IQCM: variants seen among roughly 807,000 people sequenced by gnomAD.
IQCM encodes the protein IQ domain-containing protein M.
IQCM carries 45 observed loss-of-function variants against 57.6 expected under a neutral mutation model. The ratio of observed to expected loss-of-function variants is 0.78; its 90% CI spans 0.62 to 1.00. IQCM has a LOEUF of 1.00. Among genes scored for constraint, IQCM ranks in the 50% least tolerant of loss-of-function variants. The pLI is 0.00. For synonymous variants in IQCM, 148 were observed against 158.9 expected (o/e 0.93, Z 0.51); for missense variants, 468 against 511.6 (o/e 0.91, Z 0.82).
intron 3 of IQCM, chr4:149,737,826 G>A (rs912896506): frequency 1.3e-5 from 2 of 152,170 alleles, no homozygotes; most frequent in African/African-American, 4.8e-5. Context: ...TCCTAGGTGT[G>A]ACTTCACAAC....
At chr4:149,373,618 G>A (rs1040225692) in intron 13 of IQCM, among the ~76,000 whole-genome samples, 2 of 151,914 alleles carry the variant, frequency 1.3e-5, no homozygotes, top group Non-Finnish European at 2.9e-5. Context: ...TTTAATTCAG[G>A]TATATGTGTG....
chr4:149,811,851 C>A (rs1774596454), intron 2 of IQCM, among the ~76,000 whole-genome samples: 1 of 152,160 alleles, frequency 6.6e-6, no homozygotes. Context: ...CTTAACCCTC[C>A]CTGGGATATT....
At chr4:149,413,595 A>G (rs1447674874) in intron 13 of IQCM, among the ~76,000 whole-genome samples, 1 of 152,212 alleles carries the variant, frequency 6.6e-6, no homozygotes, top group Non-Finnish European at 1.5e-5. Flanking sequence ...TCAATGAAAT[A>G]GAGAAAAGTA....
chr4:149,386,286 C>T (rs1051517875), intron 13 of IQCM, among the ~76,000 whole-genome samples: 5 of 151,998 alleles, frequency 3.3e-5, no homozygotes, highest in African/African-American at 1.2e-4. Context: ...AAGTGGTAAT[C>T]TCATGGGCAC....
intron 9 of IQCM, among the ~76,000 whole-genome samples, chr4:149,585,027 A>G (rs773932311): frequency 6.6e-6 from 1 of 151,704 alleles, no homozygotes; most frequent in Non-Finnish European, 1.5e-5. Context: ...AACCAGTCCT[A>G]TTTGCCAACT....
At chr4:149,373,276 A>G (rs1730485706) in intron 13 of IQCM, among the ~76,000 whole-genome samples, 1 of 152,146 alleles carries the variant, frequency 6.6e-6, no homozygotes, top group African/African-American at 2.4e-5. Context: ...AATTACAAGT[A>G]AATTTCTCAC....
At chr4:149,407,162 A>G (rs1454506675) in intron 13 of IQCM, among the ~76,000 whole-genome samples, 1 of 151,902 alleles carries the variant, frequency 6.6e-6, no homozygotes, top group East Asian at 1.9e-4. Flanking sequence ...TGATTCAATT[A>G]TCCCCCCCCA....
At chr4:149,555,195 T>C (rs1186831842) in intron 10 of IQCM, among the ~76,000 whole-genome samples, 1 of 152,214 alleles carries the variant, frequency 6.6e-6, no homozygotes, top group African/African-American at 2.4e-5. Context: ...TCAATGTGTA[T>C]TTTTAATCTG....
intron 13 of IQCM, among the ~76,000 whole-genome samples, chr4:149,413,413 C>A (rs1171128083): frequency 6.6e-6 from 1 of 152,144 alleles, no homozygotes; most frequent in African/African-American, 2.4e-5. Flanking sequence ...TAGCGGGGAG[C>A]AGAGGCTGAC....
chr4:149,563,996 T>TC, intron 9 of IQCM, 106 bp from the exon 10 acceptor site: 10 of 519,844 alleles, frequency 1.9e-5, no homozygotes, highest in Non-Finnish European at 2.9e-5. Flanking sequence ...GGAAATATAT[T>TC]ATAACTTGTA....
intron 12 of IQCM, among the ~76,000 whole-genome samples, chr4:149,545,481 C>T (rs1748299384): frequency 6.6e-6 from 1 of 152,078 alleles, no homozygotes. Flanking sequence ...GTCAAAACAA[C>T]AGTGAGCTAT....
intron 7 of IQCM, among the ~76,000 whole-genome samples, chr4:149,631,619 A>G (rs1167491652): frequency 6.6e-6 from 1 of 152,206 alleles, no homozygotes; most frequent in African/African-American, 2.4e-5. Flanking sequence ...TCCATAAACC[A>G]AAAGACTTCA....
chr4:149,601,064 G>A (rs925156345), intron 8 of IQCM, among the ~76,000 whole-genome samples: 4 of 152,024 alleles, frequency 2.6e-5, no homozygotes, highest in African/African-American at 7.2e-5. Flanking sequence ...AAATTACCTC[G>A]TACACATTGT....
chr4:149,746,002 G>A lies in IQCM; in HGVS notation c.-48-3263C>T, dbSNP rs78682269. On this transcript the variant is annotated intron_variant, in intron 2 of 13. Transcript: ENST00000636793. ...AAAGAAAAAGACAAGACAAGCCAAG[G>A]CTTTATCATGGCTCTTATAATTCAG... Among the ~76,000 whole-genome samples, 1,346 of 150,460 alleles carry A rather than the reference G, an allele frequency of 8.9e-3. 10 individuals carry two copies. The highest frequency in any genetic ancestry group is 0.031 in the African/African-American group (1,246 of 40,748).
chr4:149,486,393 C>G (rs1371963010), intron 12 of IQCM, among the ~76,000 whole-genome samples: 1 of 152,046 alleles, frequency 6.6e-6, no homozygotes, highest in Admixed American at 6.6e-5. Context: ...TTTCCACAGG[C>G]AGAGGATCCT....
At chr4:149,354,246 C>T (rs533820919) in intron 13 of IQCM, among the ~76,000 whole-genome samples, 58 of 146,450 alleles carry the variant, frequency 4.0e-4, no homozygotes, top group Non-Finnish European at 7.7e-4. Context: ...CGCCTGTAGT[C>T]CCAGCTACTT....
chr4:149,746,393 A>G (rs1033004042), intron 2 of IQCM, among the ~76,000 whole-genome samples: 2 of 152,166 alleles, frequency 1.3e-5, no homozygotes, highest in Non-Finnish European at 2.9e-5. Flanking sequence ...CCCAGCCACA[A>G]TCATTTCATT....
rs1054736072 is a variant in IQCM at position 149,554,769 on chromosome 4, G to T, written c.949-1482C>A. ...GGCTGGAGTGCAGTGGCGCGATCTCGGCTCACTGCAAGCTCCACCTCCCGG... is the reference window on the plus strand; with the variant it reads ...GGCTGGAGTGCAGTGGCGCGATCTCTGCTCACTGCAAGCTCCACCTCCCGG... On this transcript the variant is annotated intron_variant, in intron 10 of 13. Coordinates refer to ENST00000636793, the MANE Select transcript of IQCM (RefSeq NM_001363507.2). Among the ~76,000 whole-genome samples, 8 of 151,166 alleles carry T rather than the reference G, an allele frequency of 5.3e-5. No individual in the cohort carries two copies. In the East Asian group the frequency reaches 1.2e-3, roughly 22 times the overall value.
chr4:149,713,994 A>G (rs1324732655), intron 5 of IQCM, among the ~76,000 whole-genome samples: 2 of 152,202 alleles, frequency 1.3e-5, no homozygotes, highest in Non-Finnish European at 2.9e-5. Context: ...TGTGTTCTTC[A>G]TAACTATTTG....
Sources: gnomAD v4.1 joint callset for allele counts (sites outside exome capture counted in the v4.1 genomes callset) on GRCh38, gnomAD v4.1.1 for gene constraint, MANE v1.5 for transcripts, NCBI Gene and HGNC (gene_info 2026-07-23, HGNC 2026-07-21) for gene names.